Variants in GLIPR1L2 observed in about 807,000 individuals in gnomAD.
GLIPR1L2 encodes the protein GLIPR1-like protein 2.
Under a neutral mutation model 28.4 loss-of-function variants are expected in GLIPR1L2, and 21 were observed. The observed-to-expected ratio is 0.74, with a 90% CI of 0.52 to 1.06. The LOEUF (loss-of-function observed/expected upper bound fraction) is 1.06, where lower values mean the gene tolerates loss of function less well. GLIPR1L2 is among the 50% of genes least tolerant of loss of function. The probability of loss-of-function intolerance (pLI) is 0.00; values close to 1 mark genes in which losing one functional copy is unlikely to be tolerated. For missense variants in GLIPR1L2, 476 were observed against 416.9 expected (o/e 1.14, Z -1.23); for synonymous variants, 145 against 139.3 (o/e 1.04, Z -0.29).
intron 2 of GLIPR1L2, 136 bp from the exon 3 acceptor site, chr12:75,413,462 C>T: frequency 7.4e-6 from 4 of 544,200 alleles, no homozygotes; most frequent in Non-Finnish European, 1.3e-5. Context: ...CTCTACATGT[C>T]TCTAAATGAA....
intron 4 of GLIPR1L2, among the ~76,000 whole-genome samples, chr12:75,426,276 T>A (rs985110667): frequency 1.3e-5 from 2 of 152,164 alleles, no homozygotes; most frequent in African/African-American, 4.8e-5. Flanking sequence ...ATTAAGAAGT[T>A]TAACAGTCTG....
chr12:75,398,471 A>G (rs1307730522), intron 1 of GLIPR1L2, among the ~76,000 whole-genome samples: 1 of 152,006 alleles, frequency 6.6e-6, no homozygotes, highest in Non-Finnish European at 1.5e-5. Flanking sequence ...ATGGGTTTGT[A>G]ATATTAGAAG....
chr12:75,410,788 T>G, intron 2 of GLIPR1L2, 109 bp downstream of exon 2: 1 of 801,878 alleles, frequency 1.2e-6, no homozygotes, highest in South Asian at 2.2e-5. Context: ...AATTATCACA[T>G]TTAATAAGAT....
intron 1 of GLIPR1L2, among the ~76,000 whole-genome samples, chr12:75,391,736 G>T (rs2045606507): frequency 6.6e-6 from 1 of 152,176 alleles, no homozygotes; most frequent in Non-Finnish European, 1.5e-5. Context: ...CTTGGGTCTG[G>T]ATTAGGGAAA....
At chr12:75,426,677 G>T (rs763340550) in intron 4 of GLIPR1L2, among the ~76,000 whole-genome samples, 1 of 152,164 alleles carries the variant, frequency 6.6e-6, no homozygotes, top group Non-Finnish European at 1.5e-5. Flanking sequence ...TGCTGCTTTG[G>T]CAATTGATGT....
intron 4 of GLIPR1L2, among the ~76,000 whole-genome samples, chr12:75,430,116 G>T (rs2046076911): frequency 1.3e-5 from 2 of 151,708 alleles, no homozygotes; most frequent in South Asian, 4.2e-4. Context: ...CCAGTCTCAG[G>T]TAGTTCTTTA....
At chr12:75,401,969 A>G (rs539387315) in intron 1 of GLIPR1L2, among the ~76,000 whole-genome samples, 3 of 152,148 alleles carry the variant, frequency 2.0e-5, no homozygotes, top group Non-Finnish European at 2.9e-5. Context: ...AATTTTTTCT[A>G]ATAAAACAGC....
intron 1 of GLIPR1L2, among the ~76,000 whole-genome samples, chr12:75,400,752 CAAAA>C (rs1300278719): frequency 6.6e-6 from 1 of 151,750 alleles, no homozygotes; most frequent in African/African-American, 2.4e-5. Context: ...ATTCATGAAA[CAAAA>C]AATATATACA....
chr12:75,422,150 G>T (rs1017841694), intron 3 of GLIPR1L2, among the ~76,000 whole-genome samples: 6 of 147,900 alleles, frequency 4.1e-5, no homozygotes, highest in South Asian at 4.4e-4. Flanking sequence ...ACCATGCCCG[G>T]CTAATTAAAA....
chr12:75,403,232 A>G, intron 1 of GLIPR1L2: 1 of 416,382 alleles, frequency 2.4e-6, no homozygotes, highest in South Asian at 1.7e-5. Context: ...AAGCTTCTGT[A>G]AACTCTCTGA....
intron 2 of GLIPR1L2, among the ~76,000 whole-genome samples, chr12:75,412,744 G>A (rs1354952009): frequency 2.0e-5 from 3 of 151,926 alleles, no homozygotes; most frequent in Admixed American, 1.3e-4. Context: ...TACACTGTTG[G>A]TGGGACTGTA....
At chr12:75,429,770 G>A (rs1480723818) in intron 4 of GLIPR1L2, among the ~76,000 whole-genome samples, 1 of 151,914 alleles carries the variant, frequency 6.6e-6, no homozygotes, top group Non-Finnish European at 1.5e-5. Flanking sequence ...ATAAGATCTG[G>A]TGGTTTAAAA....
At chr12:75,394,128 T>G (rs2045658449) in intron 1 of GLIPR1L2, among the ~76,000 whole-genome samples, 1 of 152,108 alleles carries the variant, frequency 6.6e-6, no homozygotes, top group African/African-American at 2.4e-5. Context: ...TTTTTGTTGT[T>G]GAATTATAGG....
intron 4 of GLIPR1L2, among the ~76,000 whole-genome samples, chr12:75,429,453 C>T (rs964508495): frequency 6.6e-6 from 1 of 152,156 alleles, no homozygotes; most frequent in Non-Finnish European, 1.5e-5. Context: ...TTTGATTTTA[C>T]AAGCTTATAG....
Position 75,422,904 on chromosome 12 carries a change from A to C in GLIPR1L2, c.585A>C (p.Gly195=). ...ATGTTTTCTGCTTTTTTGTTTGTAG[A>C]GGAACACTGACGAGAAGACCTTATG... ...AAIFICNYAP[G]GTLTRRPYEP... is the part of the protein sequence containing the mutation. Residue 195 remains glycine, a splice_region_variant and synonymous_variant, in exon 4 of 6, where the codon GGA becomes GGC. Coordinates refer to ENST00000550916, the MANE Select transcript of GLIPR1L2 (RefSeq NM_001270396.2). The C allele has an allele frequency of 6.2e-7, 1 of 1,601,296 alleles. No homozygotes were observed. Among genetic ancestry groups the C allele is most frequent in the Non-Finnish European group, 8.5e-7 (1 of 1,176,536 alleles).
intron 4 of GLIPR1L2, among the ~76,000 whole-genome samples, chr12:75,425,348 C>A (rs1210961028): frequency 6.6e-6 from 1 of 152,020 alleles, no homozygotes; most frequent in East Asian, 1.9e-4. Flanking sequence ...GAACCTAAGC[C>A]AGTAAAGGGG....
intron 1 of GLIPR1L2, chr12:75,403,258 T>C: frequency 5.3e-6 from 2 of 375,032 alleles, no homozygotes; most frequent in South Asian, 4.0e-5. Flanking sequence ...GATTACAGTT[T>C]TAGATTTCTT....
At chr12:75,430,119 G>A (rs1236433624) in intron 4 of GLIPR1L2, among the ~76,000 whole-genome samples, 1 of 151,748 alleles carries the variant, frequency 6.6e-6, no homozygotes, top group Admixed American at 6.6e-5. Context: ...GTCTCAGGTA[G>A]TTCTTTATAG....
intron 1 of GLIPR1L2, among the ~76,000 whole-genome samples, chr12:75,408,665 C>T (rs1267370262): frequency 2.0e-5 from 3 of 151,858 alleles, no homozygotes; most frequent in South Asian, 2.1e-4. Flanking sequence ...ATCCGTGCTG[C>T]GGAATACTAT....
Sources: allele counts gnomAD v4.1 joint callset (sites outside exome capture counted in the v4.1 genomes callset), GRCh38; gene constraint gnomAD v4.1.1; transcripts MANE v1.5; gene names NCBI Gene and HGNC (gene_info 2026-07-23, HGNC 2026-07-21).